Variants in NUP205 observed in about 807,000 individuals in gnomAD.
NUP205 encodes the protein nuclear pore complex protein Nup205.
NUP205 carries 76 observed loss-of-function variants against 253.8 expected under a neutral mutation model. That is an observed-to-expected ratio of 0.30 (90% CI 0.25 to 0.36). The LOEUF is 0.36. NUP205 is among the 10% of genes least tolerant of loss of function. The probability of loss-of-function intolerance (pLI) is 1.00; values close to 1 mark genes in which losing one functional copy is unlikely to be tolerated. For missense variants in NUP205, 2,162 were observed against 2,425.5 expected (o/e 0.89, Z 2.28); for synonymous variants, 832 against 850.1 (o/e 0.98, Z 0.37).
chr7:135,578,833 G>C lies in NUP205; in HGVS notation c.960G>C (p.Trp320Cys). The C allele has an allele frequency of 6.2e-7, 1 of 1,612,250 alleles. No individual in the cohort carries two copies. Among genetic ancestry groups the C allele is most frequent in the Non-Finnish European group, 8.5e-7 (1 of 1,179,382 alleles). Residue 320 changes from tryptophan (W) to cysteine (C), a missense_variant, in exon 7 of 43, where the codon TGG (tryptophan) becomes TGC (cysteine). Trp to Cys is a radical substitution (Grantham distance 215). Around this residue, in one of 5 missense-constraint regions of NUP205, gnomAD observed 892 missense variants for 957.1 expected, o/e 0.93. Transcript: ENST00000285968. ...CTCGTCTTCAGGACTCACAGCTTTG[G>C]AAACTGCCTGGGCTCCAAGCCACTG... ...IHSRLQDSQL[W>C]KLPGLQATVR... is the part of the protein sequence containing the mutation.
chr7:135,611,500 T>TTTAC lies in NUP205; in HGVS notation c.3196-2657_3196-2654dup, dbSNP rs1236566518. Among the ~76,000 whole-genome samples, 8 of 152,222 alleles carry TTTAC rather than the reference T, an allele frequency of 5.3e-5. 1 individual carries two copies. Among genetic ancestry groups the TTTAC allele is most frequent in the African/African-American group, 1.9e-4 (8 of 41,448 alleles). ...TCAATGTACATCTGTAGCAGAGCTT[T>TTTAC]TTACTCTTTTCCTTGTCTTCTTTCT... On this transcript the variant is annotated intron_variant, in intron 22 of 42. Transcript: ENST00000285968.
chr7:135,619,965 C>T, intron 30 of NUP205, 77 bp downstream of exon 30: 2 of 916,998 alleles, frequency 2.2e-6, no homozygotes, highest in Non-Finnish European at 1.7e-6. Flanking sequence ...ATCACTTCTC[C>T]ATCTTTTGAC....
intron 34 of NUP205, 121 bp downstream of exon 34, chr7:135,628,232 G>A: frequency 1.1e-6 from 1 of 896,128 alleles, no homozygotes; most frequent in South Asian, 2.5e-5. Flanking sequence ...TTGTGGCAGA[G>A]CAGGGTAGAG....
intron 7 of NUP205, among the ~76,000 whole-genome samples, chr7:135,580,778 TTAAC>T (rs1806284119): frequency 6.6e-6 from 1 of 152,056 alleles, no homozygotes; most frequent in Admixed American, 6.6e-5. Context: ...AGTTAATATA[TTAAC>T]TATATAATAT....
At chr7:135,634,946 G>A (rs913863341) in intron 35 of NUP205, among the ~76,000 whole-genome samples, 1 of 152,160 alleles carries the variant, frequency 6.6e-6, no homozygotes, top group Admixed American at 6.5e-5. Context: ...TAGGAAATTT[G>A]AGTGGCTAGG....
chr7:135,615,658 T>C (rs572686688), intron 23 of NUP205, among the ~76,000 whole-genome samples: 2 of 152,328 alleles, frequency 1.3e-5, no homozygotes, highest in African/African-American at 4.8e-5. Context: ...TTAAAATCAG[T>C]AATGAAAACT....
chr7:135,607,441 A>G, intron 22 of NUP205, 70 bp downstream of exon 22: 1 of 1,519,186 alleles, frequency 6.6e-7, no homozygotes, highest in Non-Finnish European at 9.0e-7. Context: ...TACGCCACAG[A>G]TATGACAGTA....
chr7:135,595,847 A>G (rs898128789), intron 13 of NUP205, among the ~76,000 whole-genome samples: 16 of 152,188 alleles, frequency 1.1e-4, no homozygotes, highest in Non-Finnish European at 1.9e-4. Flanking sequence ...CTCTAGGAAA[A>G]TGGTTAGGTG....
chr7:135,597,898 G>T, intron 14 of NUP205, 100 bp from the exon 15 acceptor site: 1 of 861,484 alleles, frequency 1.2e-6, no homozygotes, highest in Non-Finnish European at 1.9e-6. Flanking sequence ...ATATCTTTTG[G>T]TGTGAGTTAG....
At chr7:135,637,474 C>A (rs1172544426) in intron 36 of NUP205, among the ~76,000 whole-genome samples, 1 of 152,130 alleles carries the variant, frequency 6.6e-6, no homozygotes, top group Non-Finnish European at 1.5e-5. Flanking sequence ...GTTTGTAACC[C>A]CTTTATGAAG....
intron 30 of NUP205, among the ~76,000 whole-genome samples, chr7:135,620,526 CAAAAA>C (rs1229879327): frequency 6.6e-6 from 1 of 152,176 alleles, no homozygotes; most frequent in African/African-American, 2.4e-5. Flanking sequence ...AACTCTGTCT[CAAAAA>C]GAAACACAAA....
chr7:135,610,912 C>G (rs551643753), intron 22 of NUP205, among the ~76,000 whole-genome samples: 2 of 152,176 alleles, frequency 1.3e-5, no homozygotes, highest in South Asian at 4.1e-4. Context: ...TACCTGGTCC[C>G]TGGTCTTGGA....
At chr7:135,629,270 G>A (rs912534631) in intron 34 of NUP205, among the ~76,000 whole-genome samples, 3 of 152,204 alleles carry the variant, frequency 2.0e-5, no homozygotes, top group African/African-American at 7.2e-5. Flanking sequence ...CTCCATGAGT[G>A]TACATTATAA....
At chr7:135,635,434 T>C (rs1280884332) in intron 35 of NUP205, 147 bp from the exon 36 acceptor site, 2 of 468,334 alleles carry the variant, frequency 4.3e-6, no homozygotes, top group African/African-American at 2.0e-5. Context: ...TTACAGTCTT[T>C]GTAAAATCAT....
intron 33 of NUP205, 112 bp downstream of exon 33, chr7:135,626,473 G>A: frequency 8.5e-7 from 1 of 1,181,926 alleles, no homozygotes; most frequent in Non-Finnish European, 1.2e-6. Context: ...ATCTTGGTGT[G>A]GGTTTTTTTG....
intron 19 of NUP205, 57 bp downstream of exon 19, chr7:135,604,517 ATGGAAGTT>A: frequency 6.6e-7 from 1 of 1,512,882 alleles, no homozygotes; most frequent in Non-Finnish European, 9.0e-7. Flanking sequence ...TTGACTATAT[ATGGAAGTT>A]CTAGTGTCTA....
At chr7:135,601,028 G>T in intron 16 of NUP205, 59 bp downstream of exon 16, 5 of 869,170 alleles carry the variant, frequency 5.8e-6, no homozygotes, top group Admixed American at 2.2e-5. Context: ...TATAAATTAT[G>T]GCTATGTTAT....
chr7:135,558,922 A>G (rs781030266), intron 1 of NUP205, among the ~76,000 whole-genome samples: 1 of 152,202 alleles, frequency 6.6e-6, no homozygotes, highest in Non-Finnish European at 1.5e-5. Flanking sequence ...CAGGACTGAT[A>G]TTCTTGAAAA....
intron 1 of NUP205, among the ~76,000 whole-genome samples, chr7:135,570,282 T>G (rs1805920349): frequency 6.6e-6 from 1 of 151,972 alleles, no homozygotes; most frequent in Non-Finnish European, 1.5e-5. Flanking sequence ...GGCACGATCC[T>G]GGCTCACTGC....
Sources: gnomAD v4.1 joint callset for allele counts (sites outside exome capture counted in the v4.1 genomes callset) on GRCh38, gnomAD v4.1.1 for gene constraint, gnomAD v4.1.1 regional missense constraint, MANE v1.5 for transcripts, NCBI Gene and HGNC (gene_info 2026-07-23, HGNC 2026-07-21) for gene names.